Variants in DLG2 observed in about 807,000 individuals in gnomAD.
The protein encoded by DLG2 is discs large MAGUK scaffold protein 2.
In DLG2, 45 loss-of-function variants were observed where a neutral mutation model predicts 132.5. The ratio of observed to expected loss-of-function variants is 0.34; its 90% CI spans 0.27 to 0.44. DLG2 has a LOEUF of 0.44. DLG2 is among the 20% of genes least tolerant of loss of function. The probability of loss-of-function intolerance (pLI) is 1.00; values close to 1 mark genes in which losing one functional copy is unlikely to be tolerated. For synonymous variants in DLG2, 424 were observed against 419.6 expected (o/e 1.01, Z -0.13); for missense variants, 1,045 against 1,196.9 (o/e 0.87, Z 1.87).
chr11:85,488,411 AACC>A (rs942583441), intron 3 of DLG2, among the ~76,000 whole-genome samples: 1 of 151,828 alleles, frequency 6.6e-6, no homozygotes. Flanking sequence ...CAACAACAAC[AACC>A]ACAACAAAAA....
At chr11:85,590,625 T>G (rs1382340691) in intron 3 of DLG2, among the ~76,000 whole-genome samples, 1 of 151,846 alleles carries the variant, frequency 6.6e-6, no homozygotes, top group Non-Finnish European at 1.5e-5. Flanking sequence ...TTTAGAATTT[T>G]TTTTATATTC....
chr11:83,616,236 A>G (rs2060787933), intron 19 of DLG2, among the ~76,000 whole-genome samples: 1 of 152,136 alleles, frequency 6.6e-6, no homozygotes, highest in African/African-American at 2.4e-5. Flanking sequence ...GAACACATGT[A>G]CTCATTACTA....
intron 6 of DLG2, among the ~76,000 whole-genome samples, chr11:84,548,345 T>C (rs888005228): frequency 2.0e-5 from 3 of 152,124 alleles, no homozygotes; most frequent in African/African-American, 4.8e-5. Flanking sequence ...GTTTGTTACA[T>C]ATATGCATGT....
At chr11:83,904,385 T>C (rs2074215313) in intron 15 of DLG2, among the ~76,000 whole-genome samples, 1 of 126,478 alleles carries the variant, frequency 7.9e-6, no homozygotes, top group Admixed American at 7.4e-5. Context: ...ATGTGACAAT[T>C]TGAAAAAAAA....
intron 7 of DLG2, among the ~76,000 whole-genome samples, chr11:84,364,294 T>C (rs562164437): frequency 6.6e-6 from 1 of 152,174 alleles, no homozygotes; most frequent in Non-Finnish European, 1.5e-5. Flanking sequence ...AGTTCACTCA[T>C]GATTTGGCTC....
At chr11:85,529,991 T>G (rs985765384) in intron 3 of DLG2, among the ~76,000 whole-genome samples, 15 of 149,218 alleles carry the variant, frequency 1.0e-4, no homozygotes, top group African/African-American at 2.7e-4. Flanking sequence ...GGGTTTGTTT[T>G]TTTTTTTTTT....
At chr11:84,100,626 A>T (rs1168490848) in intron 9 of DLG2, among the ~76,000 whole-genome samples, 2 of 152,020 alleles carry the variant, frequency 1.3e-5, no homozygotes, top group Non-Finnish European at 2.9e-5. Flanking sequence ...TGGATATTAA[A>T]TTTCTCTACA....
chr11:84,712,665 T>G (rs550396175), intron 6 of DLG2, among the ~76,000 whole-genome samples: 2 of 151,842 alleles, frequency 1.3e-5, no homozygotes, highest in African/African-American at 2.4e-5. Flanking sequence ...TTTAATAAAA[T>G]AGAAAAAAAA....
At chr11:83,774,337 G>T (rs77750794) in intron 18 of DLG2, among the ~76,000 whole-genome samples, 1 of 152,068 alleles carries the variant, frequency 6.6e-6, no homozygotes, top group Non-Finnish European at 1.5e-5. Flanking sequence ...TGATAATAAC[G>T]ATAATTATCG....
At chr11:83,782,410 G>A (rs1304272442) in intron 18 of DLG2, among the ~76,000 whole-genome samples, 1 of 152,184 alleles carries the variant, frequency 6.6e-6, no homozygotes, top group Non-Finnish European at 1.5e-5. Flanking sequence ...ACAGCTCCTA[G>A]TGCTGTCTAG....
chr11:84,667,743 C>T (rs981904110), intron 6 of DLG2, among the ~76,000 whole-genome samples: 1 of 151,906 alleles, frequency 6.6e-6, no homozygotes, highest in Non-Finnish European at 1.5e-5. Context: ...GAGTGATCCG[C>T]CCACCTCATT....
At chr11:84,388,191 A>C (rs1850215504) in intron 7 of DLG2, among the ~76,000 whole-genome samples, 2 of 152,212 alleles carry the variant, frequency 1.3e-5, no homozygotes, top group African/African-American at 4.8e-5. Flanking sequence ...ACAGCAGAGA[A>C]GTTATTACTG....
At chr11:84,082,116 G>T (rs1228781544) in intron 10 of DLG2, among the ~76,000 whole-genome samples, 21 of 152,126 alleles carry the variant, frequency 1.4e-4, no homozygotes, top group Admixed American at 1.4e-3. Flanking sequence ...CTGCATAAAT[G>T]TCTTGAACTT....
At chr11:84,899,512 G>A (rs983737131) in intron 6 of DLG2, among the ~76,000 whole-genome samples, 23 of 151,962 alleles carry the variant, frequency 1.5e-4, no homozygotes, top group African/African-American at 1.4e-4. Context: ...CCAAAAACAC[G>A]TAACATTTTT....
At chr11:83,582,432 C>T (rs2096996755) in intron 19 of DLG2, among the ~76,000 whole-genome samples, 1 of 152,208 alleles carries the variant, frequency 6.6e-6, no homozygotes, top group Admixed American at 6.5e-5. Flanking sequence ...GGTCTGTGTA[C>T]ATTTACTGAA....
chr11:84,136,817 CAGG>C (rs1050453483), intron 9 of DLG2, among the ~76,000 whole-genome samples: 14 of 152,144 alleles, frequency 9.2e-5, no homozygotes, highest in Non-Finnish European at 2.1e-4. Context: ...CTCAATAAAA[CAGG>C]AGATTCATTT....
intron 6 of DLG2, among the ~76,000 whole-genome samples, chr11:85,048,384 G>T (rs959112982): frequency 6.6e-6 from 1 of 151,786 alleles, no homozygotes; most frequent in African/African-American, 2.4e-5. Flanking sequence ...GACAGGATGG[G>T]GAATAAAAGA....
intron 7 of DLG2, among the ~76,000 whole-genome samples, chr11:84,507,356 G>T (rs183789739): frequency 1.3e-5 from 2 of 152,178 alleles, no homozygotes; most frequent in African/African-American, 4.8e-5. Context: ...ACTAATATTT[G>T]TGGGAATCTG....
Position 84,141,659 on chromosome 11 carries a change from G to T in DLG2, c.624+21802C>A, listed in dbSNP as rs1243399790. 2.6e-5 allele frequency among the ~76,000 whole-genome samples: 4 copies of T among 152,092 alleles called. No homozygotes were observed. In the East Asian group the frequency reaches 7.7e-4, roughly 29 times the overall value. On this transcript the variant is annotated intron_variant, in intron 9 of 27. Coordinates refer to ENST00000376104, the MANE Select transcript of DLG2 (RefSeq NM_001142699.3). ...ATCAAAGTGAACAGGAGCCAAGTTA[G>T]TTAACATTCTATTAGTGGCTGCAGG...
Sources: gnomAD v4.1 joint callset for allele counts (sites outside exome capture counted in the v4.1 genomes callset) on GRCh38, gnomAD v4.1.1 for gene constraint, MANE v1.5 for transcripts, NCBI Gene and HGNC (gene_info 2026-07-23, HGNC 2026-07-21) for gene names.